MED12L: variants seen among roughly 807,000 people sequenced by gnomAD.
MED12L encodes mediator complex subunit 12L, also known as mediator of RNA polymerase II transcription subunit 12-like protein.
In MED12L, 60 loss-of-function variants were observed where a neutral mutation model predicts 281.3. The observed-to-expected ratio is 0.21, with a 90% CI of 0.17 to 0.26. The LOEUF is 0.26. Ranked by LOEUF, MED12L falls within the 10% of genes least tolerant of loss-of-function variation. The pLI is 1.00. For missense variants in MED12L, 2,146 were observed against 2,680.9 expected, an observed-to-expected ratio of 0.80 and a Z score of 4.41; for synonymous variants, 974 against 987.2, an observed-to-expected ratio of 0.99 and a Z score of 0.25.
At chr3:151,185,260 T>C in intron 11 of MED12L, 70 bp from the exon 12 acceptor site, 1 of 1,520,476 alleles carries the variant, frequency 6.6e-7, no homozygotes, top group African/African-American at 1.4e-5. Context: ...ATTCCCTTGC[T>C]TGCTTCCTGC....
At chr3:151,093,952 T>C (rs1720394902) in intron 2 of MED12L, among the ~76,000 whole-genome samples, 1 of 152,188 alleles carries the variant, frequency 6.6e-6, no homozygotes, top group Admixed American at 6.5e-5. Context: ...TGTGATCCTT[T>C]AGGAGGTTGG....
chr3:151,313,301 T>C (rs1218952972), intron 16 of MED12L, among the ~76,000 whole-genome samples: 1 of 152,162 alleles, frequency 6.6e-6, no homozygotes, highest in Non-Finnish European at 1.5e-5. Flanking sequence ...TGCACCCAAG[T>C]TGGCCATTTA....
At chr3:151,192,046 T>A (rs1473031321) in intron 14 of MED12L, among the ~76,000 whole-genome samples, 1 of 152,244 alleles carries the variant, frequency 6.6e-6, no homozygotes, top group South Asian at 2.1e-4. Flanking sequence ...CTGTTAAGGC[T>A]TGTTTTCAAA....
intron 5 of MED12L, among the ~76,000 whole-genome samples, chr3:151,130,665 G>C (rs1008141114): frequency 2.0e-5 from 3 of 152,166 alleles, no homozygotes; most frequent in Admixed American, 6.5e-5. Context: ...ACCTGTGGGC[G>C]CGGCTCTTCC....
chr3:151,409,457 A>G (rs985979210), intron 40 of MED12L, 125 bp downstream of exon 40: 17 of 765,344 alleles, frequency 2.2e-5, no homozygotes, highest in East Asian at 1.4e-4. Context: ...TCTTCTACTT[A>G]TAGATTATAA....
At chr3:151,419,116 T>C (rs1717960139) in intron 43 of MED12L, among the ~76,000 whole-genome samples, 1 of 152,256 alleles carries the variant, frequency 6.6e-6, no homozygotes, top group Non-Finnish European at 1.5e-5. Flanking sequence ...TACCAAACAC[T>C]AGTTCTTACT....
chr3:151,176,046 T>C (rs184286962), intron 11 of MED12L, among the ~76,000 whole-genome samples: 1 of 152,232 alleles, frequency 6.6e-6, no homozygotes, highest in Non-Finnish European at 1.5e-5. Context: ...AATACAGGAG[T>C]ACATTCTTGA....
At chr3:151,276,990 A>C (rs1168809923) in intron 16 of MED12L, among the ~76,000 whole-genome samples, 1 of 152,104 alleles carries the variant, frequency 6.6e-6, no homozygotes. Context: ...TCTGGCTCCC[A>C]GACTCAAGCG....
intron 16 of MED12L, among the ~76,000 whole-genome samples, chr3:151,304,914 A>G (rs1206101463): frequency 6.6e-6 from 1 of 152,138 alleles, no homozygotes; most frequent in Non-Finnish European, 1.5e-5. Flanking sequence ...AGGCTGGACA[A>G]GGGGGTTGAG....
chr3:151,214,965 T>A (rs989179395), intron 16 of MED12L, among the ~76,000 whole-genome samples: 1 of 152,192 alleles, frequency 6.6e-6, no homozygotes, highest in Non-Finnish European at 1.5e-5. Context: ...AATGTTTACA[T>A]ATTAAGAGCT....
intron 16 of MED12L, among the ~76,000 whole-genome samples, chr3:151,260,104 A>G (rs952820013): frequency 2.6e-5 from 4 of 152,148 alleles, no homozygotes; most frequent in African/African-American, 9.7e-5. Context: ...TGGGGACACC[A>G]TTGGTGGGCT....
chr3:151,294,685 G>T (rs1264236099), intron 16 of MED12L: 2 of 1,614,156 alleles, frequency 1.2e-6, no homozygotes, highest in Non-Finnish European at 1.7e-6. Context: ...CATGGATATT[G>T]TCCTCTGTTG....
chr3:151,307,313 A>G (rs1408496125), intron 16 of MED12L, among the ~76,000 whole-genome samples: 1 of 152,216 alleles, frequency 6.6e-6, no homozygotes, highest in Non-Finnish European at 1.5e-5. Flanking sequence ...TAATGGAATT[A>G]GGTCACTGTA....
chr3:151,213,655 C>T, intron 16 of MED12L: 1 of 1,614,164 alleles, frequency 6.2e-7, no homozygotes, highest in East Asian at 2.2e-5. Flanking sequence ...GGAATTCCGA[C>T]TTGACTTAAG....
intron 10 of MED12L, 91 bp downstream of exon 10, chr3:151,165,610 C>A: frequency 8.6e-7 from 1 of 1,160,792 alleles, no homozygotes; most frequent in Non-Finnish European, 1.3e-6. Context: ...ATGAATAAGG[C>A]AGCTTTTTGA....
At chr3:151,297,757 C>T (rs1745299730) in intron 16 of MED12L, among the ~76,000 whole-genome samples, 1 of 151,978 alleles carries the variant, frequency 6.6e-6, no homozygotes, top group Admixed American at 6.6e-5. Context: ...TATATGAACA[C>T]ATTCTTATTA....
rs113739348 is a variant in MED12L, at chr3:151,275,249, C to T, written c.2251-74810C>T. Among the ~76,000 whole-genome samples, 1,452 of 152,180 alleles carry T rather than the reference C, an allele frequency of 9.5e-3. 22 individuals carry two copies. Among genetic ancestry groups the T allele is most frequent in the African/African-American group, 0.034 (1,394 of 41,506 alleles). Reference sequence around the variant, plus strand: ...GATCACACCACAAGTGTACAGATCGCTTTGGGCCAACCTCAGAAGCCAACT... The same window carrying T: ...GATCACACCACAAGTGTACAGATCGTTTTGGGCCAACCTCAGAAGCCAACT... On this transcript the variant is annotated intron_variant, in intron 16 of 44. Transcript: ENST00000687756.
At chr3:151,196,509 C>T (rs1724682210) in intron 16 of MED12L, among the ~76,000 whole-genome samples, 1 of 152,182 alleles carries the variant, frequency 6.6e-6, no homozygotes, top group Non-Finnish European at 1.5e-5. Context: ...GAGAAGAGGA[C>T]TAAAGGGGGC....
intron 16 of MED12L, among the ~76,000 whole-genome samples, chr3:151,277,777 T>C (rs1242769263): frequency 6.6e-6 from 1 of 152,240 alleles, no homozygotes; most frequent in African/African-American, 2.4e-5. Context: ...TTTTAGTAGG[T>C]GTTAATGGGG....
Sources: allele counts gnomAD v4.1 joint callset (sites outside exome capture counted in the v4.1 genomes callset), GRCh38; gene constraint gnomAD v4.1.1; transcripts MANE v1.5; gene names NCBI Gene and HGNC (gene_info 2026-07-23, HGNC 2026-07-21).